Variants in CADPS observed in about 807,000 individuals in gnomAD.
CADPS encodes the protein calcium-dependent secretion activator 1.
In CADPS, 57 loss-of-function variants were observed where a neutral mutation model predicts 167.3. The ratio of observed to expected loss-of-function variants is 0.34; its 90% CI spans 0.28 to 0.42. The LOEUF (loss-of-function observed/expected upper bound fraction) is 0.42, where lower values mean the gene tolerates loss of function less well. Ranked by LOEUF, CADPS falls within the 20% of genes least tolerant of loss-of-function variation. The pLI, the probability that CADPS is intolerant of heterozygous loss-of-function variation, is 1.00. For missense variants in CADPS, 1,414 were observed against 1,738.1 expected (o/e 0.81, Z 3.32); for synonymous variants, 676 against 635.3 (o/e 1.06, Z -0.96).
chr3:62,853,750 C>A (rs1186884755), intron 1 of CADPS, among the ~76,000 whole-genome samples: 1 of 152,026 alleles, frequency 6.6e-6, no homozygotes, highest in Non-Finnish European at 1.5e-5. Context: ...CACTTGAACC[C>A]AGGAGTTTGA....
At chr3:62,443,369 G>A (rs1485367212) in intron 27 of CADPS, among the ~76,000 whole-genome samples, 2 of 152,332 alleles carry the variant, frequency 1.3e-5, no homozygotes, top group Middle Eastern at 3.4e-3. Context: ...AGTGGTAAAT[G>A]TACCACATTT....
chr3:62,725,893 T>C (rs959087732), intron 3 of CADPS, among the ~76,000 whole-genome samples: 2 of 151,784 alleles, frequency 1.3e-5, no homozygotes, highest in Non-Finnish European at 2.9e-5. Context: ...ACTCTCCATT[T>C]CAAACACAGG....
chr3:62,671,736 C>T (rs1482865262), intron 3 of CADPS, among the ~76,000 whole-genome samples: 4 of 152,024 alleles, frequency 2.6e-5, no homozygotes, highest in East Asian at 3.9e-4. Flanking sequence ...TATGATATTC[C>T]GGGTTGGGGC....
At chr3:62,516,453 G>A in intron 15 of CADPS, 127 bp downstream of exon 15, 1 of 799,878 alleles carries the variant, frequency 1.3e-6, no homozygotes, top group Non-Finnish European at 2.0e-6. Context: ...CTTCTATTCT[G>A]ATATTTGATG....
intron 9 of CADPS, among the ~76,000 whole-genome samples, chr3:62,570,164 T>C (rs892078932): frequency 6.6e-6 from 1 of 151,704 alleles, no homozygotes; most frequent in Admixed American, 6.6e-5. Context: ...TATGTAAACA[T>C]TGAAAGGTAT....
At chr3:62,584,005 C>CTT (rs34234122) in intron 8 of CADPS, among the ~76,000 whole-genome samples, 2 of 123,338 alleles carry the variant, frequency 1.6e-5, no homozygotes, top group East Asian at 2.4e-4. Flanking sequence ...ACCCAATCCT[C>CTT]TTTTTTTTTT....
intron 1 of CADPS, among the ~76,000 whole-genome samples, chr3:62,859,039 A>G (rs1271142524): frequency 6.6e-6 from 1 of 152,192 alleles, no homozygotes; most frequent in Non-Finnish European, 1.5e-5. Flanking sequence ...TAGTAATTAG[A>G]GAAAGCTTTA....
intron 24 of CADPS, chr3:62,467,235 A>T: frequency 4.8e-6 from 4 of 829,030 alleles, no homozygotes; most frequent in Non-Finnish European, 6.6e-6. Flanking sequence ...GAATTATCCC[A>T]TATTTCCCTA....
chr3:62,814,649 A>C (rs1380697906), intron 1 of CADPS, among the ~76,000 whole-genome samples: 1 of 152,160 alleles, frequency 6.6e-6, no homozygotes, highest in Non-Finnish European at 1.5e-5. Context: ...GAGAACCTGG[A>C]TTATAGTGGT....
intron 24 of CADPS, among the ~76,000 whole-genome samples, chr3:62,469,037 G>A (rs144794336): frequency 3.3e-5 from 5 of 152,268 alleles, no homozygotes; most frequent in African/African-American, 1.2e-4. Context: ...GGTTGCATGT[G>A]TATATACATT....
intron 2 of CADPS, among the ~76,000 whole-genome samples, chr3:62,761,758 G>A (rs2085501868): frequency 6.6e-6 from 1 of 152,084 alleles, no homozygotes; most frequent in South Asian, 2.1e-4. Context: ...TAGAAAAGGT[G>A]TGAGGAACAC....
At chr3:62,543,142 A>G (rs901347310) in intron 11 of CADPS, among the ~76,000 whole-genome samples, 68 of 152,318 alleles carry the variant, frequency 4.5e-4, no homozygotes, top group African/African-American at 1.6e-3. Context: ...TTGTGGGAAC[A>G]TATTCTTTTA....
At chr3:62,701,943 A>C (rs1044157005) in intron 3 of CADPS, among the ~76,000 whole-genome samples, 1 of 152,188 alleles carries the variant, frequency 6.6e-6, no homozygotes, top group African/African-American at 2.4e-5. Flanking sequence ...CTATAGATTA[A>C]AAGTTAAATA....
intron 17 of CADPS, among the ~76,000 whole-genome samples, chr3:62,501,040 A>T (rs1326523137): frequency 6.6e-6 from 1 of 152,194 alleles, no homozygotes; most frequent in African/African-American, 2.4e-5. Flanking sequence ...GGCTTCCTGG[A>T]TTCAAGTCAA....
intron 14 of CADPS, 86 bp downstream of exon 14, chr3:62,518,063 A>C (rs998986658): frequency 1.2e-6 from 1 of 855,596 alleles, no homozygotes; most frequent in Non-Finnish European, 2.0e-6. Flanking sequence ...CCTCTGGTAG[A>C]TTTACAGTTT....
At chr3:62,619,002 G>T (rs1029345819) in intron 6 of CADPS, among the ~76,000 whole-genome samples, 1 of 152,190 alleles carries the variant, frequency 6.6e-6, no homozygotes, top group Non-Finnish European at 1.5e-5. Context: ...GCAAACTAAG[G>T]CCCTTGGGCC....
intron 4 of CADPS, among the ~76,000 whole-genome samples, chr3:62,651,829 A>C (rs2070229630): frequency 6.6e-6 from 1 of 152,194 alleles, no homozygotes; most frequent in African/African-American, 2.4e-5. Context: ...CTTGAAACAT[A>C]AACTTGCCCT....
Position 62,874,647 on chromosome 3 carries a change from C to G in CADPS, c.383G>C (p.Cys128Ser). ...RLQLYVFVMRCIAYPFNAKQP... is the reference protein window; with the variant it reads ...RLQLYVFVMRSIAYPFNAKQP... The stretch of plus-strand genomic sequence containing the variant: ...CTTGGCATTAAAGGGGTAGGCGATG[C>G]AGCGCATCACGAACACATACAGCTG... The change falls in exon 1 of 30, where the codon TGC (cysteine) becomes TCC (serine). Residue 128 changes from cysteine (C) to serine (S), a missense_variant. This residue lies in a region of CADPS where 522 missense variants were observed against 559.5 expected (regional missense o/e 0.93). Transcript: ENST00000383710. The surrounding 1 kb of genome is among the most constrained non-coding windows in gnomAD (Gnocchi z 7.1). The G allele has an allele frequency of 6.4e-7, 1 of 1,559,776 alleles. No individual in the cohort carries two copies. The highest frequency in any genetic ancestry group is 8.7e-7 in the Non-Finnish European group (1 of 1,151,226).
At chr3:62,619,743 A>G (rs1489352887) in intron 6 of CADPS, among the ~76,000 whole-genome samples, 1 of 152,162 alleles carries the variant, frequency 6.6e-6, no homozygotes, top group East Asian at 1.9e-4. Flanking sequence ...GGGACAGAGA[A>G]AAGTTTTTGT....
Sources: gnomAD v4.1 joint callset for allele counts (sites outside exome capture counted in the v4.1 genomes callset) on GRCh38, gnomAD v4.1.1 for gene constraint, gnomAD v4.1.1 regional missense constraint, Gnocchi (gnomAD v3.1) non-coding constraint, MANE v1.5 for transcripts, NCBI Gene and HGNC (gene_info 2026-07-23, HGNC 2026-07-21) for gene names.